The following LIMD1 variants were observed in gnomAD, a reference collection of about 807,000 sequenced individuals.
LIMD1 encodes the protein LIM domain containing 1, also known as LIM domain-containing protein 1.
A neutral mutation model predicts 58.4 loss-of-function variants in LIMD1; 23 were observed. The observed-to-expected ratio is 0.39, with a 90% CI of 0.28 to 0.56. The LOEUF is 0.56. Among genes scored for constraint, LIMD1 ranks in the 20% least tolerant of loss-of-function variants. LIMD1 has a pLI of 0.57. For synonymous variants in LIMD1, 334 were observed against 345.5 expected (o/e 0.97, Z 0.37); for missense variants, 838 against 855.5 (o/e 0.98, Z 0.25).
intron 1 of LIMD1, among the ~76,000 whole-genome samples, chr3:45,627,825 T>C (rs1386496899): frequency 6.6e-6 from 1 of 150,560 alleles, no homozygotes; most frequent in Non-Finnish European, 1.5e-5. Flanking sequence ...CTGGCCAACA[T>C]GGCGAAACAC....
chr3:45,657,524 CAA>C (rs71617901), intron 2 of LIMD1, among the ~76,000 whole-genome samples: 37,092 of 98,712 alleles, frequency 0.38, 5,427 homozygotes, highest in Middle Eastern at 0.5. Flanking sequence ...GACGCTGTCT[CAA>C]AAAAAAAAAA....
chr3:45,664,703 C>T (rs1466011143), intron 2 of LIMD1, among the ~76,000 whole-genome samples: 1 of 152,246 alleles, frequency 6.6e-6, no homozygotes, highest in Non-Finnish European at 1.5e-5. Flanking sequence ...GCTTTGCCTC[C>T]TGTGGGCGTC....
chr3:45,597,323 C>T (rs773122984), intron 1 of LIMD1, among the ~76,000 whole-genome samples: 3 of 152,194 alleles, frequency 2.0e-5, no homozygotes, highest in Non-Finnish European at 2.9e-5. Context: ...GATTTGAGCC[C>T]TGCCGCACCA....
intron 2 of LIMD1, among the ~76,000 whole-genome samples, chr3:45,645,726 G>C (rs1701898332): frequency 6.6e-6 from 1 of 152,140 alleles, no homozygotes; most frequent in Admixed American, 6.5e-5. Flanking sequence ...GCACTCCTCA[G>C]GTTTCTGTGG....
rs546219334 is a variant in LIMD1 at position 45,609,855 on chromosome 3, A to G, written c.1408+13568A>G. On this transcript the variant is annotated intron_variant, in intron 1 of 7. Transcript: ENST00000273317. ...CTGTTTTGTTCACTGTTGTATCCCC[A>G]GGGCCCAAGGCACTGCCTGGCACAC... Among the ~76,000 whole-genome samples the G allele has an allele frequency of 6.6e-5, 10 of 152,278 alleles. No individual in the cohort carries two copies. In the South Asian group the frequency reaches 1.9e-3, roughly 28 times the overall value.
chr3:45,621,825 G>A (rs993453567), intron 1 of LIMD1, among the ~76,000 whole-genome samples: 2 of 152,112 alleles, frequency 1.3e-5, no homozygotes, highest in African/African-American at 2.4e-5. Flanking sequence ...AGCACTTTGG[G>A]AGGCTGAAGT....
At position 45,643,351 on chromosome 3, in the gene LIMD1, G is replaced by A. The variant is rs541224899; in HGVS notation, c.1510+7100G>A. On this transcript the variant is annotated intron_variant, in intron 2 of 7. Coordinates refer to ENST00000273317, the MANE Select transcript of LIMD1 (RefSeq NM_014240.3). ...AATACAAAAATTAACCGCATGTGGT[G>A]GCACATGCCTATAATACTAGCTATT... Among the ~76,000 whole-genome samples, 7 of 152,178 alleles carry A rather than the reference G, an allele frequency of 4.6e-5. No homozygotes were observed. In the South Asian group the frequency reaches 1.5e-3, roughly 32 times the overall value.
At chr3:45,669,524 A>C (rs1387169250) in intron 4 of LIMD1, among the ~76,000 whole-genome samples, 1 of 152,208 alleles carries the variant, frequency 6.6e-6, no homozygotes, top group African/African-American at 2.4e-5. Context: ...CACCACCCAG[A>C]TCAAGATATA....
At chr3:45,657,287 T>G (rs1400142243) in intron 2 of LIMD1, among the ~76,000 whole-genome samples, 2 of 152,112 alleles carry the variant, frequency 1.3e-5, no homozygotes, top group African/African-American at 4.8e-5. Flanking sequence ...CACAAGGAGT[T>G]TTTACGGAGC....
intron 1 of LIMD1, among the ~76,000 whole-genome samples, chr3:45,627,756 C>G (rs1701680317): frequency 6.7e-6 from 1 of 150,362 alleles, no homozygotes; most frequent in African/African-American, 2.5e-5. Flanking sequence ...GCCTGTAATC[C>G]CAGCACTTTG....
chr3:45,607,047 G>A (rs1161612718), intron 1 of LIMD1, among the ~76,000 whole-genome samples: 1 of 152,152 alleles, frequency 6.6e-6, no homozygotes, highest in East Asian at 1.9e-4. Flanking sequence ...ACCCGCCTTG[G>A]CCTCTCAAAG....
At chr3:45,624,881 CTTTTTTTT>C (rs59284051) in intron 1 of LIMD1, among the ~76,000 whole-genome samples, 2,209 of 138,450 alleles carry the variant, frequency 0.016, 53 homozygotes, top group African/African-American at 0.056. Context: ...TGCTATCTTC[CTTTTTTTT>C]TTTTTTTTTG....
intron 1 of LIMD1, among the ~76,000 whole-genome samples, chr3:45,624,476 G>C (rs1352693830): frequency 6.6e-6 from 1 of 152,150 alleles, no homozygotes; most frequent in Non-Finnish European, 1.5e-5. Context: ...GGGAGGCCGA[G>C]GTGGGCGGAT....
At chr3:45,653,051 G>A (rs1008203320) in intron 2 of LIMD1, among the ~76,000 whole-genome samples, 3 of 152,216 alleles carry the variant, frequency 2.0e-5, no homozygotes, top group Non-Finnish European at 4.4e-5. Flanking sequence ...TGACAGAGTG[G>A]CTTTGTGTCA....
At chr3:45,657,410 C>G (rs1400386301) in intron 2 of LIMD1, among the ~76,000 whole-genome samples, 1 of 151,484 alleles carries the variant, frequency 6.6e-6, no homozygotes, top group Non-Finnish European at 1.5e-5. Flanking sequence ...CCTGTAATCT[C>G]AACGCTTTGG....
intron 2 of LIMD1, among the ~76,000 whole-genome samples, chr3:45,659,252 A>G (rs867053634): frequency 1.3e-5 from 2 of 152,162 alleles, no homozygotes. Flanking sequence ...TCTGCAAATT[A>G]CTGAAATGGA....
intron 1 of LIMD1, among the ~76,000 whole-genome samples, chr3:45,635,391 G>C (rs1701775673): frequency 6.6e-6 from 1 of 151,764 alleles, no homozygotes; most frequent in African/African-American, 2.4e-5. Context: ...GGCAGGAGTA[G>C]AATGTACTAG....
chr3:45,659,990 A>T (rs187377097), intron 2 of LIMD1, among the ~76,000 whole-genome samples: 1 of 152,328 alleles, frequency 6.6e-6, no homozygotes, highest in East Asian at 1.9e-4. Context: ...TTAACACTAG[A>T]GGGTTCAGTG....
At chr3:45,653,090 G>T (rs1357900458) in intron 2 of LIMD1, among the ~76,000 whole-genome samples, 2 of 152,162 alleles carry the variant, frequency 1.3e-5, no homozygotes, top group African/African-American at 4.8e-5. Context: ...TACAGTTGGG[G>T]CTTGGATTTT....
Sources: gnomAD v4.1 joint callset for allele counts (sites outside exome capture counted in the v4.1 genomes callset) on GRCh38, gnomAD v4.1.1 for gene constraint, MANE v1.5 for transcripts, NCBI Gene and HGNC (gene_info 2026-07-23, HGNC 2026-07-21) for gene names.